Variants in AUTS2 observed in about 807,000 individuals in gnomAD.
AUTS2 encodes the protein autism susceptibility gene 2 protein.
A neutral mutation model predicts 112.4 loss-of-function variants in AUTS2; 17 were observed. That is an observed-to-expected ratio of 0.15 (90% CI 0.10 to 0.23). AUTS2 has a LOEUF of 0.23. Ranked by LOEUF, AUTS2 falls within the 10% of genes least tolerant of loss-of-function variation. AUTS2 has a pLI of 1.00. For missense variants in AUTS2, 1,510 were observed against 1,701.6 expected (o/e 0.89, Z 1.98); for synonymous variants, 751 against 702.7 (o/e 1.07, Z -1.09).
At chr7:70,111,887 G>A (rs574135391) in intron 2 of AUTS2, among the ~76,000 whole-genome samples, 67 of 152,116 alleles carry the variant, frequency 4.4e-4, no homozygotes, top group African/African-American at 1.5e-3. Context: ...ATACTTAAAT[G>A]TGTTAGAGGT....
At chr7:69,905,905 C>T (rs1795132336) in intron 2 of AUTS2, among the ~76,000 whole-genome samples, 1 of 152,168 alleles carries the variant, frequency 6.6e-6, no homozygotes, top group East Asian at 1.9e-4. Flanking sequence ...TTGGGTGATC[C>T]TGATACCTAC....
At chr7:70,549,183 A>G (rs1342907211) in intron 5 of AUTS2, among the ~76,000 whole-genome samples, 2 of 152,192 alleles carry the variant, frequency 1.3e-5, no homozygotes, top group African/African-American at 4.8e-5. Flanking sequence ...TATTGCTAGT[A>G]TATAAAAACA....
chr7:70,068,719 G>C (rs1339557384), intron 2 of AUTS2, among the ~76,000 whole-genome samples: 1 of 152,170 alleles, frequency 6.6e-6, no homozygotes, highest in Non-Finnish European at 1.5e-5. Flanking sequence ...ACAACAAGGT[G>C]ATTAATGTAG....
intron 4 of AUTS2, among the ~76,000 whole-genome samples, chr7:70,267,872 C>G (rs559849957): frequency 5.3e-5 from 8 of 152,284 alleles, no homozygotes; most frequent in African/African-American, 9.6e-5. Context: ...CTTTTCCCCC[C>G]CTACACTTGC....
intron 5 of AUTS2, among the ~76,000 whole-genome samples, chr7:70,577,321 A>T (rs781487902): frequency 5.3e-5 from 8 of 152,190 alleles, no homozygotes; most frequent in African/African-American, 9.7e-5. Context: ...TGGTTAAGTG[A>T]TGGGCAGACT....
At chr7:69,786,624 T>C (rs1789389587) in intron 1 of AUTS2, among the ~76,000 whole-genome samples, 1 of 152,186 alleles carries the variant, frequency 6.6e-6, no homozygotes. Context: ...CACGAAGGTC[T>C]GTGGCTTCAT....
At chr7:69,902,194 A>G (rs984318052) in intron 2 of AUTS2, among the ~76,000 whole-genome samples, 2 of 152,154 alleles carry the variant, frequency 1.3e-5, no homozygotes, top group African/African-American at 4.8e-5. Context: ...GACAACTGCC[A>G]TCTGTTATGT....
At chr7:70,384,147 A>G (rs888508284) in intron 4 of AUTS2, among the ~76,000 whole-genome samples, 2 of 152,144 alleles carry the variant, frequency 1.3e-5, no homozygotes, top group African/African-American at 4.8e-5. Context: ...TGTGCCTGTG[A>G]TCTGTGCGCA....
chr7:69,973,126 A>G (rs1390566502), intron 2 of AUTS2, among the ~76,000 whole-genome samples: 1 of 151,810 alleles, frequency 6.6e-6, no homozygotes, highest in African/African-American at 2.4e-5. Context: ...CTCTTTTATC[A>G]TTTTGTAGTT....
chr7:70,027,410 C>T (rs1800569513), intron 2 of AUTS2, among the ~76,000 whole-genome samples: 1 of 152,148 alleles, frequency 6.6e-6, no homozygotes, highest in Non-Finnish European at 1.5e-5. Context: ...TGACTTGTCT[C>T]ACTTCTCGTG....
intron 2 of AUTS2, among the ~76,000 whole-genome samples, chr7:69,998,241 C>G (rs1799034749): frequency 6.6e-6 from 1 of 152,066 alleles, no homozygotes; most frequent in African/African-American, 2.4e-5. Context: ...CAGATGGGGT[C>G]TTGTTATGTT....
At chr7:70,399,719 A>G (rs1794243149) in intron 4 of AUTS2, among the ~76,000 whole-genome samples, 1 of 152,120 alleles carries the variant, frequency 6.6e-6, no homozygotes, top group African/African-American at 2.4e-5. Context: ...TAATTAAACG[A>G]TATAATTGTA....
intron 1 of AUTS2, among the ~76,000 whole-genome samples, chr7:69,776,402 G>A (rs1351572241): frequency 6.6e-6 from 1 of 152,038 alleles, no homozygotes. Flanking sequence ...TTCTTGCAGG[G>A]GTTTCCCAAA....
chr7:70,563,650 A>G (rs1344893743), intron 5 of AUTS2, among the ~76,000 whole-genome samples: 1 of 152,166 alleles, frequency 6.6e-6, no homozygotes, highest in East Asian at 1.9e-4. Flanking sequence ...CCCACCAGGT[A>G]TTCTTTCAAA....
chr7:69,627,884 A>G (rs758858600), intron 1 of AUTS2, among the ~76,000 whole-genome samples: 1 of 152,230 alleles, frequency 6.6e-6, no homozygotes, highest in Non-Finnish European at 1.5e-5. Flanking sequence ...TGAAGTGCAT[A>G]TAACAGTTTA....
At chr7:70,783,581 T>C (rs1007186360) in intron 15 of AUTS2, 3 of 152,268 alleles carry the variant, frequency 2.0e-5, no homozygotes, top group African/African-American at 7.2e-5. Flanking sequence ...TAGTAAATTC[T>C]TTATCCAGGC....
At chr7:69,854,971 G>T (rs1327063694) in intron 1 of AUTS2, among the ~76,000 whole-genome samples, 2 of 152,186 alleles carry the variant, frequency 1.3e-5, no homozygotes, top group Non-Finnish European at 2.9e-5. Flanking sequence ...TACTTCTAAA[G>T]TTAGGTACAC....
At chr7:69,861,413 T>C (rs912248051) in intron 1 of AUTS2, among the ~76,000 whole-genome samples, 7 of 152,174 alleles carry the variant, frequency 4.6e-5, no homozygotes, top group African/African-American at 1.4e-4. Context: ...AAGCAGCCTG[T>C]CACTGTGAAA....
intron 1 of AUTS2, among the ~76,000 whole-genome samples, chr7:69,822,125 G>A (rs1195292597): frequency 6.6e-6 from 1 of 152,102 alleles, no homozygotes; most frequent in Non-Finnish European, 1.5e-5. Flanking sequence ...GCTTGAACTA[G>A]CAGAGTTCTA....
Sources: allele counts gnomAD v4.1 joint callset (sites outside exome capture counted in the v4.1 genomes callset), GRCh38; gene constraint gnomAD v4.1.1; transcripts MANE v1.5; gene names NCBI Gene and HGNC (gene_info 2026-07-23, HGNC 2026-07-21).